PLCE1: variants seen among roughly 807,000 people sequenced by gnomAD.
PLCE1 encodes 1-phosphatidylinositol 4,5-bisphosphate phosphodiesterase epsilon-1.
PLCE1 carries 119 observed loss-of-function variants against 242.8 expected under a neutral mutation model. The observed-to-expected ratio is 0.49, with a 90% CI of 0.42 to 0.57. The LOEUF is 0.57. Ranked by LOEUF, PLCE1 falls within the 20% of genes least tolerant of loss-of-function variation. The probability of loss-of-function intolerance (pLI) is 0.00; values close to 1 mark genes in which losing one functional copy is unlikely to be tolerated. For synonymous variants in PLCE1, 945 were observed against 1,017.4 expected, an observed-to-expected ratio of 0.93 and a Z score of 1.35; for missense variants, 2,441 against 2,788.8, an observed-to-expected ratio of 0.88 and a Z score of 2.81.
At chr10:94,322,179 G>A in intron 30 of PLCE1, 120 bp downstream of exon 30, 1 of 920,204 alleles carries the variant, frequency 1.1e-6, no homozygotes, top group Non-Finnish European at 1.8e-6. Context: ...GACCTCAAAG[G>A]GGAGTGTGTG....
At chr10:94,149,735 G>A (rs552185213) in intron 3 of PLCE1, among the ~76,000 whole-genome samples, 18 of 152,230 alleles carry the variant, frequency 1.2e-4, no homozygotes, top group South Asian at 4.1e-4. Context: ...CATAGAGAAA[G>A]TGTTTGATTC....
chr10:94,268,823 T>C (rs1010385975), intron 16 of PLCE1, 106 bp from the exon 17 acceptor site: 19 of 728,670 alleles, frequency 2.6e-5, no homozygotes, highest in African/African-American at 1.6e-4. Flanking sequence ...TCTGCTTTAG[T>C]CCTGAGTGTA....
intron 2 of PLCE1, among the ~76,000 whole-genome samples, chr10:94,093,444 A>G (rs746282644): frequency 2.3e-4 from 35 of 152,234 alleles, no homozygotes; most frequent in Admixed American, 2.3e-3. Flanking sequence ...CAAAGAAACA[A>G]ATAGGCAGTG....
intron 4 of PLCE1, among the ~76,000 whole-genome samples, chr10:94,198,307 G>T (rs1009065456): frequency 2.0e-5 from 3 of 152,192 alleles, no homozygotes; most frequent in African/African-American, 7.2e-5. Context: ...CAGAAGTCTG[G>T]ACTGGAAGGT....
intron 2 of PLCE1, among the ~76,000 whole-genome samples, chr10:94,070,242 A>C (rs1008068426): frequency 2.6e-5 from 4 of 152,242 alleles, no homozygotes; most frequent in African/African-American, 9.6e-5. Flanking sequence ...TTGGAATAGT[A>C]ATGTATGCAA....
intron 3 of PLCE1, among the ~76,000 whole-genome samples, chr10:94,143,416 T>G (rs188378525): frequency 1.2e-4 from 19 of 152,242 alleles, no homozygotes; most frequent in African/African-American, 4.3e-4. Context: ...ATGACACTTC[T>G]ACTTTTGAGT....
At position 94,126,535 on chromosome 10, in the gene PLCE1, C is replaced by T. The variant is rs181776701; in HGVS notation, c.1207-5639C>T. Reference sequence around the variant, plus strand: ...AGTTGAGCTTAGCACAGTGTATGTGCTCAGTAAATATAAATCACTTGTTGA... The same window carrying T: ...AGTTGAGCTTAGCACAGTGTATGTGTTCAGTAAATATAAATCACTTGTTGA... On this transcript the variant is annotated intron_variant, in intron 2 of 32. Transcript: ENST00000371380. 5.1e-3 allele frequency among the ~76,000 whole-genome samples: 771 copies of T among 152,308 alleles called. 7 individuals are homozygous for T. The highest frequency in any genetic ancestry group is 0.017 in the African/African-American group (725 of 41,554).
At chr10:94,117,107 A>G (rs966538340) in intron 2 of PLCE1, among the ~76,000 whole-genome samples, 3 of 152,210 alleles carry the variant, frequency 2.0e-5, no homozygotes, top group Non-Finnish European at 2.9e-5. Flanking sequence ...AGCACAACAT[A>G]TAGAGCTCCC....
At chr10:94,063,140 A>G (rs1457581822) in intron 2 of PLCE1, among the ~76,000 whole-genome samples, 1 of 152,066 alleles carries the variant, frequency 6.6e-6, no homozygotes, top group African/African-American at 2.4e-5. Flanking sequence ...CTCCTATGCT[A>G]TGCGCAAGCT....
intron 2 of PLCE1, among the ~76,000 whole-genome samples, chr10:94,086,161 G>A (rs2044818230): frequency 6.6e-6 from 1 of 152,260 alleles, no homozygotes; most frequent in Non-Finnish European, 1.5e-5. Flanking sequence ...GGGAAGCTTT[G>A]TCTTTTGGAA....
intron 1 of PLCE1, among the ~76,000 whole-genome samples, chr10:94,016,169 A>G (rs2061277267): frequency 6.6e-6 from 1 of 152,112 alleles, no homozygotes; most frequent in African/African-American, 2.4e-5. Context: ...TGGGAAAGGA[A>G]TTGCTGCTAT....
At chr10:94,061,009 T>C (rs184884777) in intron 2 of PLCE1, among the ~76,000 whole-genome samples, 85 of 152,190 alleles carry the variant, frequency 5.6e-4, no homozygotes, top group Non-Finnish European at 1.0e-3. Flanking sequence ...TGCCCTTATT[T>C]AACTTATGAA....
At chr10:94,118,852 TC>T (rs2046218731) in intron 2 of PLCE1, among the ~76,000 whole-genome samples, 1 of 152,190 alleles carries the variant, frequency 6.6e-6, no homozygotes, top group African/African-American at 2.4e-5. Flanking sequence ...AGATTGAAAG[TC>T]CCTGACTCAT....
chr10:94,188,837 T>G (rs553099288), intron 4 of PLCE1, among the ~76,000 whole-genome samples: 10 of 152,174 alleles, frequency 6.6e-5, no homozygotes, highest in African/African-American at 2.4e-4. Flanking sequence ...ACTCCTGACC[T>G]CAGGTGATCC....
chr10:94,082,246 A>C (rs1203687632), intron 2 of PLCE1: 2 of 152,264 alleles, frequency 1.3e-5, no homozygotes, highest in Admixed American at 1.3e-4. Flanking sequence ...AAATTAGGAC[A>C]AAGAGAAATA....
At chr10:94,206,489 C>T (rs1043812279) in intron 4 of PLCE1, among the ~76,000 whole-genome samples, 2 of 152,216 alleles carry the variant, frequency 1.3e-5, no homozygotes, top group African/African-American at 4.8e-5. Flanking sequence ...TGACTTGTTT[C>T]TGTCATTCAG....
Position 94,173,791 on chromosome 10 carries a change from C to T in PLCE1, c.1809+2295C>T, listed in dbSNP as rs371349726. On this transcript the variant is annotated intron_variant, in intron 4 of 32. Transcript: ENST00000371380. ...CAAGATTTCTGGGAAAACACTTAAACTACTTAAGAGAACAGTCTGTTTCAA... is the reference window on the plus strand; with the variant it reads ...CAAGATTTCTGGGAAAACACTTAAATTACTTAAGAGAACAGTCTGTTTCAA... Among the ~76,000 whole-genome samples the T allele has an allele frequency of 7.2e-5, 11 of 152,266 alleles. No homozygotes were observed. In the East Asian group the frequency reaches 1.7e-3, roughly 24 times the overall value.
chr10:94,230,041 A>T (rs1284979207), intron 5 of PLCE1, among the ~76,000 whole-genome samples: 2 of 151,848 alleles, frequency 1.3e-5, no homozygotes, highest in Middle Eastern at 3.2e-3. Context: ...CATAATAGAG[A>T]TTTTTTTTAT....
intron 7 of PLCE1, among the ~76,000 whole-genome samples, chr10:94,239,137 C>T (rs1589401057): frequency 6.6e-6 from 1 of 152,178 alleles, no homozygotes; most frequent in African/African-American, 2.4e-5. Flanking sequence ...TGGTGGCTAT[C>T]GTGATTAATG....
Sources: gnomAD v4.1 joint callset for allele counts (sites outside exome capture counted in the v4.1 genomes callset) on GRCh38, gnomAD v4.1.1 for gene constraint, MANE v1.5 for transcripts, NCBI Gene and HGNC (gene_info 2026-07-23, HGNC 2026-07-21) for gene names.